ADGRG6: variants seen among roughly 807,000 people sequenced by gnomAD.
The protein encoded by ADGRG6 is G-protein coupled receptor 126.
In ADGRG6, 84 loss-of-function variants were observed where a neutral mutation model predicts 142.4. The observed-to-expected ratio is 0.59, with a 90% CI of 0.49 to 0.71. The LOEUF (loss-of-function observed/expected upper bound fraction) is 0.71. Ranked by LOEUF, ADGRG6 falls within the 30% of genes least tolerant of loss-of-function variation. The pLI, the probability that ADGRG6 is intolerant of heterozygous loss-of-function variation, is 0.00. For missense variants in ADGRG6, 1,367 were observed against 1,466.6 expected (o/e 0.93, Z 1.11); for synonymous variants, 521 against 520.5 (o/e 1.00, Z -0.01).
At chr6:142,440,622 T>G (rs1401185524) in intron 24 of ADGRG6, among the ~76,000 whole-genome samples, 1 of 152,146 alleles carries the variant, frequency 6.6e-6, no homozygotes, top group East Asian at 1.9e-4. Flanking sequence ...AAAGAATGCA[T>G]TAATGTTCTT....
chr6:142,344,759 A>G (rs975289404), intron 2 of ADGRG6, among the ~76,000 whole-genome samples: 9 of 151,940 alleles, frequency 5.9e-5, no homozygotes, highest in African/African-American at 2.2e-4. Flanking sequence ...AGTTTATGGA[A>G]AGGATTTGCA....
intron 4 of ADGRG6, among the ~76,000 whole-genome samples, chr6:142,377,078 A>AT (rs1562349931): frequency 6.6e-6 from 1 of 152,032 alleles, no homozygotes; most frequent in Non-Finnish European, 1.5e-5. Context: ...CAGTGATTAC[A>AT]TTTTTTTCAA....
intron 2 of ADGRG6, among the ~76,000 whole-genome samples, chr6:142,334,159 G>C (rs1779199728): frequency 6.6e-6 from 1 of 152,080 alleles, no homozygotes; most frequent in African/African-American, 2.4e-5. Flanking sequence ...CTAGAAATAT[G>C]ATCATTAATG....
At chr6:142,430,229 A>C (rs189318341) in intron 22 of ADGRG6, among the ~76,000 whole-genome samples, 1 of 152,280 alleles carries the variant, frequency 6.6e-6, no homozygotes, top group East Asian at 1.9e-4. Context: ...CGAGGGAAGA[A>C]AAAGTCAACT....
intron 2 of ADGRG6, among the ~76,000 whole-genome samples, chr6:142,358,979 G>C (rs937929990): frequency 1.3e-5 from 2 of 151,674 alleles, no homozygotes; most frequent in African/African-American, 4.8e-5. Context: ...GCTGAGGTGG[G>C]AGGATCACTT....
chr6:142,338,013 C>CTTTTTTTTTTTTTTTTTTTTTTTTTTTT (rs1779405902), intron 2 of ADGRG6, among the ~76,000 whole-genome samples: 3 of 26,078 alleles, frequency 1.2e-4, no homozygotes, highest in African/African-American at 3.6e-4. Context: ...TGCCTTGTAT[C>CTTTTTTTTTTTTTTTTTTTTTTTTTTTT]TTTGTTTTTT....
intron 22 of ADGRG6, among the ~76,000 whole-genome samples, chr6:142,435,906 C>G (rs1339905768): frequency 6.6e-6 from 1 of 152,028 alleles, no homozygotes; most frequent in Non-Finnish European, 1.5e-5. Context: ...CAGGTAGGAA[C>G]GTGTTATGGA....
At chr6:142,350,836 C>T (rs1338782652) in intron 2 of ADGRG6, among the ~76,000 whole-genome samples, 1 of 152,032 alleles carries the variant, frequency 6.6e-6, no homozygotes, top group Non-Finnish European at 1.5e-5. Flanking sequence ...CAAAGCTGTT[C>T]CGATCAAACT....
chr6:142,335,141 G>T (rs760438011), intron 2 of ADGRG6, among the ~76,000 whole-genome samples: 2 of 152,150 alleles, frequency 1.3e-5, no homozygotes, highest in Admixed American at 1.3e-4. Context: ...ACAGGTGATC[G>T]GAGGATAGTA....
At chr6:142,408,353 G>A in intron 16 of ADGRG6, 84 bp downstream of exon 16, 1 of 1,016,680 alleles carries the variant, frequency 9.8e-7, no homozygotes. Flanking sequence ...ATGTTAAAAA[G>A]TAACTGACCC....
intron 9 of ADGRG6, among the ~76,000 whole-genome samples, chr6:142,394,999 G>A (rs1057453744): frequency 1.2e-4 from 19 of 152,016 alleles, no homozygotes; most frequent in African/African-American, 3.9e-4. Flanking sequence ...CCCTGATGAC[G>A]GAGCTTGCTT....
At chr6:142,377,874 A>T (rs940360261) in intron 4 of ADGRG6, among the ~76,000 whole-genome samples, 6 of 152,162 alleles carry the variant, frequency 3.9e-5, no homozygotes, top group African/African-American at 1.2e-4. Flanking sequence ...TATCAATTAA[A>T]TTTCCTTTTA....
Position 142,438,254 on chromosome 6 carries a change from A to G in ADGRG6, c.3464A>G (p.Asp1155Gly). 1 of 1,605,522 alleles carries G rather than the reference A, an allele frequency of 6.2e-7. No homozygotes were observed. The highest frequency in any genetic ancestry group is 8.5e-7 in the Non-Finnish European group (1 of 1,174,774). ...ACCAATATCATCAAGAAAAGTTCTGATAATCTAGGAAAATCTTTGTCTTCA... is the reference window on the plus strand; with the variant it reads ...ACCAATATCATCAAGAAAAGTTCTGGTAATCTAGGAAAATCTTTGTCTTCA... ...TATNIIKKSS[D>G]NLGKSLSSSS... Residue 1155 changes from aspartate (D) to glycine (G), a missense_variant, in exon 24 of 25, where the codon GAT becomes GGT. By Grantham distance (94) the Asp-to-Gly change is moderately conservative. Transcript: ENST00000367609.
At chr6:142,302,929 A>G (rs755472690) in intron 1 of ADGRG6, among the ~76,000 whole-genome samples, 3 of 152,096 alleles carry the variant, frequency 2.0e-5, no homozygotes, top group Non-Finnish European at 4.4e-5. Flanking sequence ...ACTTCCATAG[A>G]CTTATGGGGG....
intron 4 of ADGRG6, among the ~76,000 whole-genome samples, chr6:142,374,955 C>G (rs1470728166): frequency 3.3e-5 from 5 of 152,022 alleles, no homozygotes; most frequent in Non-Finnish European, 7.4e-5. Flanking sequence ...TTCAAGTATA[C>G]AATCATTGTT....
intron 2 of ADGRG6, among the ~76,000 whole-genome samples, chr6:142,322,851 G>A (rs932862457): frequency 1.3e-5 from 2 of 151,934 alleles, no homozygotes; most frequent in Non-Finnish European, 2.9e-5. Context: ...GCCTGCTCTT[G>A]GTGAAAAACT....
intron 2 of ADGRG6, among the ~76,000 whole-genome samples, chr6:142,327,518 T>A (rs1305615450): frequency 6.6e-6 from 1 of 152,104 alleles, no homozygotes; most frequent in East Asian, 1.9e-4. Flanking sequence ...TACTAGATAT[T>A]TATAGGAAAT....
At position 142,402,050 on chromosome 6, in the gene ADGRG6, A is replaced by G. The variant is rs1315377116; in HGVS notation, c.1736A>G (p.Asn579Ser). The G allele has an allele frequency of 3.9e-6, 6 of 1,530,338 alleles. No homozygotes were observed. The highest frequency in any genetic ancestry group is 2.3e-5 in the East Asian group (1 of 43,824). 94.8% of individuals were successfully genotyped at this position (1,530,338 alleles called of 1,614,324 possible). The change falls in exon 12 of 25, where the codon AAC (asparagine) becomes AGC (serine). Residue 579 changes from asparagine (N) to serine (S), a missense_variant. By Grantham distance (46) the Asn-to-Ser change is conservative. Coordinates refer to ENST00000367609, the MANE Select transcript of ADGRG6 (RefSeq NM_198569.3). ...TACTGGGGACCTGTTGATATCTCCA[A>G]CTGTTTAAGTAAGTGAGCAGTTTTC... ...VTYWGPVDIS[N>S]CLKEANEVAN... is the part of the protein sequence containing the mutation.
chr6:142,320,193 A>C (rs1778444102), intron 2 of ADGRG6, among the ~76,000 whole-genome samples: 1 of 152,122 alleles, frequency 6.6e-6, no homozygotes, highest in Non-Finnish European at 1.5e-5. Context: ...TACTTTACAC[A>C]TGGTACCTAA....
Sources: gnomAD v4.1 joint callset for allele counts (sites outside exome capture counted in the v4.1 genomes callset) on GRCh38, gnomAD v4.1.1 for gene constraint, MANE v1.5 for transcripts, NCBI Gene and HGNC (gene_info 2026-07-23, HGNC 2026-07-21) for gene names.